Variants in ARHGEF3 observed in about 807,000 individuals in gnomAD.
ARHGEF3 encodes the protein 59.8 kDA protein.
In ARHGEF3, 28 loss-of-function variants were observed where a neutral mutation model predicts 63.2. The observed-to-expected ratio is 0.44, with a 90% CI of 0.33 to 0.61. The LOEUF is 0.61. Among genes scored for constraint, ARHGEF3 ranks in the 20% least tolerant of loss-of-function variants. The pLI, the probability that ARHGEF3 is intolerant of heterozygous loss-of-function variation, is 0.03. For missense variants in ARHGEF3, 533 were observed against 659.3 expected, an observed-to-expected ratio of 0.81 and a Z score of 2.10; for synonymous variants, 266 against 254.2, an observed-to-expected ratio of 1.05 and a Z score of -0.44.
chr3:57,076,536 C>T (rs1356117436), intron 1 of ARHGEF3, among the ~76,000 whole-genome samples: 1 of 152,150 alleles, frequency 6.6e-6, no homozygotes, highest in Non-Finnish European at 1.5e-5. Context: ...GTTCTCTGTC[C>T]CCTCTCCTCC....
intron 1 of ARHGEF3, chr3:57,074,325 C>T (rs530481765): frequency 1.4e-6 from 2 of 1,461,918 alleles, no homozygotes; most frequent in East Asian, 2.3e-5. Flanking sequence ...GGCCTTTGCA[C>T]ATGCTATGCC....
At chr3:57,002,500 A>ATATTATATATATATATATGT (rs1702274762) in intron 2 of ARHGEF3, among the ~76,000 whole-genome samples, 1 of 60,126 alleles carries the variant, frequency 1.7e-5, no homozygotes, top group Non-Finnish European at 3.3e-5. Context: ...TATATATGTT[A>ATATTATATATATATATATGT]TATATATATA....
At chr3:56,865,102 C>A (rs1407630277) in intron 4 of ARHGEF3, among the ~76,000 whole-genome samples, 1 of 152,194 alleles carries the variant, frequency 6.6e-6, no homozygotes, top group African/African-American at 2.4e-5. Flanking sequence ...GAAGCTGGTT[C>A]ATTTCTCATT....
intron 3 of ARHGEF3, among the ~76,000 whole-genome samples, chr3:56,899,101 A>G (rs1246248642): frequency 6.6e-6 from 1 of 152,126 alleles, no homozygotes; most frequent in Non-Finnish European, 1.5e-5. Context: ...TTCTCCACTG[A>G]GGGGTGAGGA....
At chr3:56,961,656 C>T (rs965852843) in intron 2 of ARHGEF3, among the ~76,000 whole-genome samples, 2 of 152,120 alleles carry the variant, frequency 1.3e-5, no homozygotes, top group African/African-American at 2.4e-5. Flanking sequence ...GGAGACCTAC[C>T]GAGAGAAGGG....
chr3:56,780,725 T>A (rs2036524602), intron 1 of ARHGEF3, among the ~76,000 whole-genome samples: 1 of 152,246 alleles, frequency 6.6e-6, no homozygotes, highest in Non-Finnish European at 1.5e-5. Context: ...GTCTCTCACT[T>A]TAGATTAATC....
chr3:56,813,083 A>G (rs1378142442), intron 4 of ARHGEF3, among the ~76,000 whole-genome samples: 1 of 152,260 alleles, frequency 6.6e-6, no homozygotes, highest in East Asian at 1.9e-4. Context: ...CTCTGGTGCC[A>G]GGAAAATGCA....
intron 3 of ARHGEF3, among the ~76,000 whole-genome samples, chr3:56,945,081 GAGTC>G (rs1436310676): frequency 2.0e-5 from 3 of 152,198 alleles, no homozygotes; most frequent in African/African-American, 7.2e-5. Flanking sequence ...TGAAAGGAAA[GAGTC>G]AATCAATGCA....
chr3:57,053,957 T>C (rs1031472122), intron 1 of ARHGEF3, among the ~76,000 whole-genome samples: 1 of 152,256 alleles, frequency 6.6e-6, no homozygotes, highest in Non-Finnish European at 1.5e-5. Flanking sequence ...ATAAAGTGGC[T>C]ATGAACATTT....
In ARHGEF3 at chr3:56,985,823, C is replaced by T. The variant is rs576125761; in HGVS notation, c.63-26934G>A. On this transcript the variant is annotated intron_variant, in intron 2 of 12. Coordinates refer to the ARHGEF3 transcript ENST00000338458. ...TCTAACAAATGAGGATGTAAATGGA[C>T]AACATACCCACAGGTGGGGCTGGGG... is the stretch of plus-strand genomic sequence containing the variant. Among the ~76,000 whole-genome samples the T allele has an allele frequency of 9.9e-5, 15 of 152,044 alleles. No homozygotes were observed. The South Asian group carries it at 2.9e-3, about 29-fold the overall frequency.
chr3:57,005,903 T>A (rs4681940), intron 2 of ARHGEF3, among the ~76,000 whole-genome samples: 1 of 152,212 alleles, frequency 6.6e-6, no homozygotes, highest in East Asian at 1.9e-4. Flanking sequence ...TTTTTACGTA[T>A]GCGATCTCCT....
At chr3:57,024,556 C>A (rs1328274036) in intron 2 of ARHGEF3, among the ~76,000 whole-genome samples, 1 of 152,092 alleles carries the variant, frequency 6.6e-6, no homozygotes, top group Non-Finnish European at 1.5e-5. Flanking sequence ...GGTGCGATCT[C>A]GGCTCACTGC....
At chr3:56,927,497 G>A (rs1359143872) in intron 3 of ARHGEF3, among the ~76,000 whole-genome samples, 1 of 151,832 alleles carries the variant, frequency 6.6e-6, no homozygotes. Context: ...TTAAATATAC[G>A]ATATGTAACA....
At chr3:56,921,008 T>C (rs1250446903) in intron 3 of ARHGEF3, among the ~76,000 whole-genome samples, 1 of 140,390 alleles carries the variant, frequency 7.1e-6, no homozygotes, top group African/African-American at 2.8e-5. Context: ...TGAGCCGAGA[T>C]TGCACCACTG....
upstream of ARHGEF3, among the ~76,000 whole-genome samples, chr3:56,804,937 C>G (rs2107982933): frequency 6.6e-6 from 1 of 152,266 alleles, no homozygotes; most frequent in East Asian, 1.9e-4. Context: ...AACCTGTGCC[C>G]AAGTACCCGA....
chr3:56,865,361 T>G (rs949551849), intron 4 of ARHGEF3, among the ~76,000 whole-genome samples: 1 of 152,210 alleles, frequency 6.6e-6, no homozygotes, highest in East Asian at 1.9e-4. Flanking sequence ...CACAGCAAGT[T>G]GTCAACAGCT....
At chr3:56,981,539 C>CA (rs966663915) in intron 2 of ARHGEF3, among the ~76,000 whole-genome samples, 16 of 151,134 alleles carry the variant, frequency 1.1e-4, no homozygotes, top group East Asian at 3.9e-4. Flanking sequence ...AAAAACAAAA[C>CA]AAAAAAAAAC....
intron 4 of ARHGEF3, among the ~76,000 whole-genome samples, chr3:56,854,831 G>A (rs2108161824): frequency 6.6e-6 from 1 of 152,268 alleles, no homozygotes. Flanking sequence ...TTCAAAAGCA[G>A]CTATCCCAAA....
chr3:56,773,130 A>C (rs1300507903), intron 2 of ARHGEF3, among the ~76,000 whole-genome samples: 1 of 152,224 alleles, frequency 6.6e-6, no homozygotes, highest in Non-Finnish European at 1.5e-5. Context: ...AGTACAAAGC[A>C]GCCATGGACA....
Sources: allele counts gnomAD v4.1 joint callset (sites outside exome capture counted in the v4.1 genomes callset), GRCh38; gene constraint gnomAD v4.1.1; transcripts MANE v1.5; gene names NCBI Gene and HGNC (gene_info 2026-07-23, HGNC 2026-07-21).